Variants in LIMS4 observed in about 807,000 individuals in gnomAD.
The protein encoded by LIMS4 is LIM and senescent cell antigen-like-containing domain protein 4.
chr2:110,418,650 C>CT, the LIMS4 span, among the ~76,000 whole-genome samples: 912 of 72,490 alleles, frequency 0.013, 8 homozygotes, highest in Middle Eastern at 0.03. Context: ...CCTTTCCTTT[C>CT]TTTTTTTTTT....
the LIMS4 span, among the ~76,000 whole-genome samples, chr2:110,422,434 C>T: frequency 8.2e-5 from 8 of 97,454 alleles, no homozygotes; most frequent in Admixed American, 5.5e-4. Context: ...CCATCAAAAC[C>T]TCTCTGACCT....
the LIMS4 span, among the ~76,000 whole-genome samples, chr2:110,359,700 T>C: frequency 2.0e-5 from 2 of 98,852 alleles, no homozygotes; most frequent in Admixed American, 1.3e-4. Flanking sequence ...ATATTCTTAG[T>C]TGTGTTTCTG....
the LIMS4 span, among the ~76,000 whole-genome samples, chr2:110,403,621 G>A: frequency 8.2e-6 from 1 of 122,494 alleles, no homozygotes; most frequent in African/African-American, 3.2e-5. Flanking sequence ...TCCTCTGAAA[G>A]GGAAATCTGC....
At chr2:110,385,226 CAAAT>C in the LIMS4 span, among the ~76,000 whole-genome samples, 3 of 149,638 alleles carry the variant, frequency 2.0e-5, no homozygotes, top group Non-Finnish European at 2.9e-5. Context: ...AACAAACAAA[CAAAT>C]AAATAAAAGC....
the LIMS4 span, chr2:110,361,177 C>T: frequency 1.2e-6 from 1 of 846,248 alleles, no homozygotes; most frequent in Admixed American, 1.8e-5. Flanking sequence ...TGCCATGCGT[C>T]AGCTGGACAT....
chr2:110,395,900 G>A, the LIMS4 span, among the ~76,000 whole-genome samples: 69 of 137,582 alleles, frequency 5.0e-4, 1 homozygote, highest in Non-Finnish European at 9.5e-4. Flanking sequence ...GAGCTGCCAT[G>A]GGCAAAGAGC....
the LIMS4 span, among the ~76,000 whole-genome samples, chr2:110,407,371 AGAG>A: frequency 6.1e-5 from 1 of 16,474 alleles, no homozygotes; most frequent in African/African-American, 2.1e-4. Context: ...AGGGGGTGAC[AGAG>A]AAAAAGCTGA....
chr2:110,360,600 C>A, the LIMS4 span: 1 of 1,020,200 alleles, frequency 9.8e-7, no homozygotes, highest in Non-Finnish European at 1.4e-6. Context: ...CATGGAGCGT[C>A]TGTGGCTATT....
chr2:110,386,748 G>T, the LIMS4 span: 5 of 792,192 alleles, frequency 6.3e-6, no homozygotes, highest in East Asian at 1.3e-4. Flanking sequence ...GGGCAGCACA[G>T]AGGGTCCAGG....
chr2:110,365,859 C>T, the LIMS4 span, among the ~76,000 whole-genome samples: 1 of 145,928 alleles, frequency 6.9e-6, no homozygotes, highest in Non-Finnish European at 1.5e-5. Flanking sequence ...ATCAATGACC[C>T]TACAGAAATA....
chr2:110,367,041 GA>G, the LIMS4 span, among the ~76,000 whole-genome samples: 1 of 150,552 alleles, frequency 6.6e-6, no homozygotes, highest in Non-Finnish European at 1.5e-5. Flanking sequence ...AAGAAAACAA[GA>G]ATTACAAAGC....
the LIMS4 span, among the ~76,000 whole-genome samples, chr2:110,368,858 CAAAT>C: frequency 7.1e-6 from 1 of 141,810 alleles, no homozygotes; most frequent in African/African-American, 2.8e-5. Flanking sequence ...TTTCTTTGCT[CAAAT>C]AAACTCTGCT....
the LIMS4 span, among the ~76,000 whole-genome samples, chr2:110,365,983 A>G: frequency 2.0e-5 from 3 of 151,192 alleles, no homozygotes; most frequent in African/African-American, 7.4e-5. Flanking sequence ...GAAGAAACTG[A>G]AACCCTGAAC....
the LIMS4 span, among the ~76,000 whole-genome samples, chr2:110,425,221 A>G: frequency 7.0e-6 from 1 of 142,424 alleles, no homozygotes; most frequent in African/African-American, 2.9e-5. Context: ...TCCAGACCAG[A>G]TCTCTTTAAA....
the LIMS4 span, among the ~76,000 whole-genome samples, chr2:110,373,701 C>G: frequency 1.7e-4 from 25 of 150,804 alleles, no homozygotes; most frequent in Non-Finnish European, 3.1e-4. Context: ...TGCTCTCTGA[C>G]TCCCTGAGCC....
chr2:110,419,656 C>CAAAAAAAAAAA, the LIMS4 span, among the ~76,000 whole-genome samples: 3 of 8,126 alleles, frequency 3.7e-4, no homozygotes, highest in Admixed American at 2.4e-3. Flanking sequence ...ACAACAACAA[C>CAAAAAAAAAAA]AAAAAAAAAA....
At chr2:110,382,101 ATATATATATATATATATATAT>A in the LIMS4 span, among the ~76,000 whole-genome samples, 1 of 17,560 alleles carries the variant, frequency 5.7e-5, no homozygotes, top group African/African-American at 3.2e-4. Context: ...AAAAAAAAAT[ATATATATATATATATATATAT>A]ATATATATAT....
At chr2:110,391,146 G>C in the LIMS4 span, among the ~76,000 whole-genome samples, 14 of 149,572 alleles carry the variant, frequency 9.4e-5, no homozygotes, top group African/African-American at 3.2e-4. Context: ...GCTGGGGGGA[G>C]AGCAGGGGAG....
the LIMS4 span, among the ~76,000 whole-genome samples, chr2:110,425,477 T>G: frequency 7.2e-6 from 1 of 139,100 alleles, no homozygotes; most frequent in Non-Finnish European, 1.5e-5. Flanking sequence ...CTAAGAGAAT[T>G]CAAACCCTAA....
Sources: gnomAD v4.1 joint callset for allele counts (sites outside exome capture counted in the v4.1 genomes callset) on GRCh38, gnomAD v4.1.1 for gene constraint, MANE v1.5 for transcripts, NCBI Gene and HGNC (gene_info 2026-07-23, HGNC 2026-07-21) for gene names.